Variants in PTGIS observed in about 807,000 individuals in gnomAD.
The protein encoded by PTGIS is prostacyclin synthase.
PTGIS carries 45 observed loss-of-function variants against 50.3 expected under a neutral mutation model. The observed-to-expected ratio is 0.90, with a 90% CI of 0.70 to 1.15. The LOEUF (loss-of-function observed/expected upper bound fraction) is 1.15. Ranked by LOEUF, PTGIS falls within the 50% of genes most tolerant of loss-of-function variation. The pLI, the probability that PTGIS is intolerant of heterozygous loss-of-function variation, is 0.00. For synonymous variants in PTGIS, 260 were observed against 267.7 expected (o/e 0.97, Z 0.28); for missense variants, 668 against 661.3 (o/e 1.01, Z -0.11).
Position 49,507,848 on chromosome 20 carries a change from A to T in PTGIS, c.*72T>A. On this transcript the variant is annotated 3_prime_UTR_variant, in exon 10 of 10. Transcript: ENST00000244043. ...GCACCCGGGCCAACTGTGCACACAG[A>T]AAGCTGGGAGGCTGGGGCAGGCTGG... 1 of 1,595,286 alleles carries T rather than the reference A, an allele frequency of 6.3e-7. No individual in the cohort carries two copies. Among genetic ancestry groups the T allele is most frequent in the East Asian group, 2.2e-5 (1 of 44,688 alleles).
intron 5 of PTGIS, among the ~76,000 whole-genome samples, chr20:49,530,349 T>C (rs1226944342): frequency 6.6e-6 from 1 of 152,142 alleles, no homozygotes; most frequent in Non-Finnish European, 1.5e-5. Context: ...TTAGTTTGTT[T>C]CCATGTCTCA....
intron 5 of PTGIS, among the ~76,000 whole-genome samples, chr20:49,527,857 C>T (rs200885031): frequency 2.6e-5 from 4 of 152,042 alleles, no homozygotes; most frequent in Non-Finnish European, 4.4e-5. Flanking sequence ...GCATTCTGGG[C>T]GGGTGCAGTG....
chr20:49,513,570 C>G (rs563350711), intron 7 of PTGIS, among the ~76,000 whole-genome samples: 1 of 151,958 alleles, frequency 6.6e-6, no homozygotes, highest in Non-Finnish European at 1.5e-5. Flanking sequence ...CCTGTCTGCC[C>G]GGCATATATT....
At chr20:49,522,220 A>G (rs1422080473) in intron 6 of PTGIS, among the ~76,000 whole-genome samples, 1 of 151,814 alleles carries the variant, frequency 6.6e-6, no homozygotes, top group East Asian at 1.9e-4. Flanking sequence ...TGTTTCCCTT[A>G]TTTGGAATCT....
chr20:49,548,049 G>A, intron 2 of PTGIS, 30 bp from the exon 3 acceptor site: 1 of 1,604,826 alleles, frequency 6.2e-7, no homozygotes, highest in Non-Finnish European at 8.5e-7. Context: ...ATAGAGTGAG[G>A]AGTGTCACTG....
chr20:49,523,477 A>T lies in PTGIS; in HGVS notation c.855+581T>A, dbSNP rs962966069. Among the ~76,000 whole-genome samples, 18 of 144,224 alleles carry T rather than the reference A, an allele frequency of 1.2e-4. No homozygotes were observed. In the East Asian group the frequency reaches 3.1e-3, roughly 25 times the overall value. The allele number at this position is 144,224 out of a possible 152,430, so 94.6% of individuals were successfully genotyped here. ...TATAAATTTAACATTTTTCCAAATT[A>T]AAAAAAAACAAAAACAAAAAACAAA... is the stretch of plus-strand genomic sequence containing the variant. On this transcript the variant is annotated intron_variant, in intron 6 of 9. Coordinates refer to ENST00000244043, the MANE Select transcript of PTGIS (RefSeq NM_000961.4).
At position 49,539,591 on chromosome 20, in the gene PTGIS, C is replaced by A. The variant is rs1249558761; in HGVS notation, c.652G>T (p.Ala218Ser). ...TTACCCACTGACAGGGAGCCACGGG[C>A]CAGTTTGGGGAGCAGCCGGTCGAGC... ...RQLDRLLPKL[A>S]RGSLSVGDKD... The change falls in exon 5 of 10, where the codon GCC becomes TCC. Residue 218 changes from alanine to serine, a missense_variant. Transcript: ENST00000244043. 15 of 1,613,884 alleles carry A rather than the reference C, an allele frequency of 9.3e-6. No homozygotes were observed. The highest frequency in any genetic ancestry group is 1.3e-5 in the Non-Finnish European group (15 of 1,179,974).
chr20:49,524,368 T>G, intron 5 of PTGIS, 129 bp from the exon 6 acceptor site: 1 of 1,091,212 alleles, frequency 9.2e-7, no homozygotes, highest in East Asian at 2.5e-5. Flanking sequence ...GGAGTTCCTG[T>G]GGGAAAGAAG....
chr20:49,523,869 G>A (rs1405049939), intron 6 of PTGIS, among the ~76,000 whole-genome samples, 189 bp downstream of exon 6: 1 of 152,258 alleles, frequency 6.6e-6, no homozygotes, highest in Non-Finnish European at 1.5e-5. Context: ...GGTTTGGGCA[G>A]TGGGTATGTG....
At chr20:49,524,346 C>A in intron 5 of PTGIS, 107 bp from the exon 6 acceptor site, 1 of 1,307,088 alleles carries the variant, frequency 7.7e-7, no homozygotes, top group Non-Finnish European at 1.1e-6. Context: ...GAATGTCACT[C>A]ATTGAGGGTG....
intron 1 of PTGIS, among the ~76,000 whole-genome samples, chr20:49,558,498 T>C (rs1180400601): frequency 6.6e-6 from 1 of 152,170 alleles, no homozygotes; most frequent in Non-Finnish European, 1.5e-5. Flanking sequence ...TGGAATGCAG[T>C]CTGGCAGTTC....
chr20:49,550,021 C>T (rs1982464076), intron 2 of PTGIS, 45 bp downstream of exon 2: 3 of 1,613,716 alleles, frequency 1.9e-6, no homozygotes, highest in South Asian at 2.2e-5. Context: ...GATATGAGGC[C>T]CAGCTGCTCA....
At chr20:49,567,478 G>A (rs528158743) in intron 1 of PTGIS, among the ~76,000 whole-genome samples, 13 of 152,310 alleles carry the variant, frequency 8.5e-5, no homozygotes, top group East Asian at 3.9e-4. Flanking sequence ...CCCGGGGTGG[G>A]TGGTTCCAGG....
chr20:49,558,229 A>AGGT (rs1982668964), intron 1 of PTGIS, among the ~76,000 whole-genome samples: 1 of 152,162 alleles, frequency 6.6e-6, no homozygotes, highest in Non-Finnish European at 1.5e-5. Flanking sequence ...TCTCTACAAA[A>AGGT]AATACAAAAA....
chr20:49,548,401 G>T (rs919897302), intron 2 of PTGIS, among the ~76,000 whole-genome samples: 1 of 152,164 alleles, frequency 6.6e-6, no homozygotes, highest in African/African-American at 2.4e-5. Context: ...GAGAGAAGGC[G>T]GCAGATGGAT....
Position 49,568,122 on chromosome 20 carries a change from G to GGCTGGCGGT in PTGIS, c.-7_-6insACCGCCAGC. 2 of 1,072,446 alleles carry GGCTGGCGGT rather than the reference G, an allele frequency of 1.9e-6. No individual in the cohort carries two copies. The highest frequency in any genetic ancestry group is 2.4e-6 in the Non-Finnish European group (2 of 817,358). The allele number at this position is 1,072,446 out of a possible 1,614,324, so 66.4% of individuals were successfully genotyped here. A position where few individuals can be genotyped will look rare whatever the true frequency, so the allele number is the denominator to read the frequency against. On this transcript the variant is annotated 5_prime_UTR_variant, in exon 1 of 10. Transcript: ENST00000244043. ...AGGAGCGCGGCCCAAGCCATCGCGG[G>GGCTGGCGGT]GCTGGCGGGGCTGGCGGGGCTGGCG...
At chr20:49,537,913 C>G (rs1308173101) in intron 5 of PTGIS, among the ~76,000 whole-genome samples, 7 of 152,084 alleles carry the variant, frequency 4.6e-5, no homozygotes, top group Admixed American at 2.6e-4. Flanking sequence ...AATGGATAAA[C>G]AAATTGTGGC....
At chr20:49,567,557 T>G (rs1948064237) in intron 1 of PTGIS, among the ~76,000 whole-genome samples, 1 of 152,158 alleles carries the variant, frequency 6.6e-6, no homozygotes, top group South Asian at 2.1e-4. Context: ...TGTAATGGGT[T>G]GAGGAGCGAG....
intron 1 of PTGIS, among the ~76,000 whole-genome samples, chr20:49,553,076 G>C (rs1461355308): frequency 6.6e-6 from 1 of 152,032 alleles, no homozygotes; most frequent in Non-Finnish European, 1.5e-5. Flanking sequence ...TAACAAATAA[G>C]CTGGTTTTAA....
Sources: gnomAD v4.1 joint callset for allele counts (sites outside exome capture counted in the v4.1 genomes callset) on GRCh38, gnomAD v4.1.1 for gene constraint, MANE v1.5 for transcripts, NCBI Gene and HGNC (gene_info 2026-07-23, HGNC 2026-07-21) for gene names.